The following EGFLAM variants were observed in gnomAD, a reference collection of about 807,000 sequenced individuals.
The protein encoded by EGFLAM is EGF like, fibronectin type III and laminin G domains.
EGFLAM carries 79 observed loss-of-function variants against 113.1 expected under a neutral mutation model. The ratio of observed to expected loss-of-function variants is 0.70; its 90% CI spans 0.58 to 0.84. The LOEUF (loss-of-function observed/expected upper bound fraction) is 0.84, where lower values mean the gene tolerates loss of function less well. Among genes scored for constraint, EGFLAM ranks in the 40% least tolerant of loss-of-function variants. The pLI is 0.00. For missense variants in EGFLAM, 1,265 were observed against 1,291.6 expected (o/e 0.98, Z 0.32); for synonymous variants, 504 against 487.6 (o/e 1.03, Z -0.44).
At chr5:38,443,504 T>A (rs1249096185) in intron 17 of EGFLAM, among the ~76,000 whole-genome samples, 1 of 152,164 alleles carries the variant, frequency 6.6e-6, no homozygotes, top group African/African-American at 2.4e-5. Flanking sequence ...AAAGGTTTTG[T>A]TTGTTTTTCC....
intron 1 of EGFLAM, among the ~76,000 whole-genome samples, chr5:38,272,255 C>T (rs1441153953): frequency 6.6e-6 from 1 of 152,172 alleles, no homozygotes; most frequent in Admixed American, 6.5e-5. Flanking sequence ...CTCAGACTTG[C>T]TTTATAATGT....
At chr5:38,320,793 C>G (rs62353574) in intron 1 of EGFLAM, among the ~76,000 whole-genome samples, 50,879 of 151,800 alleles carry the variant, frequency 0.34, 9,809 homozygotes, top group African/African-American at 0.53. Context: ...CCTTTCCAAA[C>G]AAGGTGTGGA....
chr5:38,303,342 A>G (rs1579747765), intron 1 of EGFLAM, among the ~76,000 whole-genome samples: 1 of 152,180 alleles, frequency 6.6e-6, no homozygotes, highest in African/African-American at 2.4e-5. Context: ...TTACAAGAAC[A>G]CCTCTTACAG....
At chr5:38,324,276 T>C (rs1397191694) in intron 1 of EGFLAM, among the ~76,000 whole-genome samples, 2 of 152,186 alleles carry the variant, frequency 1.3e-5, no homozygotes, top group East Asian at 1.9e-4. Flanking sequence ...CTTTGCCTGA[T>C]GGTTTCTCTG....
intron 1 of EGFLAM, among the ~76,000 whole-genome samples, chr5:38,287,367 TC>T (rs1307250509): frequency 1.3e-5 from 2 of 152,170 alleles, no homozygotes; most frequent in African/African-American, 4.8e-5. Context: ...AATGCAGCCC[TC>T]CTTTTTTTTT....
intron 3 of EGFLAM, among the ~76,000 whole-genome samples, chr5:38,346,228 T>C (rs1198414518): frequency 1.3e-5 from 2 of 152,230 alleles, no homozygotes; most frequent in African/African-American, 4.8e-5. Context: ...AGTGGTAACA[T>C]TTAAATTTCT....
At chr5:38,266,964 C>T (rs551859063) in intron 1 of EGFLAM, among the ~76,000 whole-genome samples, 1 of 152,284 alleles carries the variant, frequency 6.6e-6, no homozygotes, top group African/African-American at 2.4e-5. Flanking sequence ...ATTGATGTTT[C>T]CTCAGCTGGA....
At chr5:38,322,463 C>T (rs962428019) in intron 1 of EGFLAM, among the ~76,000 whole-genome samples, 2 of 152,176 alleles carry the variant, frequency 1.3e-5, no homozygotes, top group African/African-American at 2.4e-5. Context: ...ACAGGGCCCA[C>T]GTTTGCCTGG....
chr5:38,300,977 A>G (rs1758561900), intron 1 of EGFLAM, among the ~76,000 whole-genome samples: 1 of 152,182 alleles, frequency 6.6e-6, no homozygotes, highest in South Asian at 2.1e-4. Flanking sequence ...AAGTCAGATG[A>G]GAGAGACTGA....
chr5:38,275,887 A>T (rs901215394), intron 1 of EGFLAM, among the ~76,000 whole-genome samples: 21 of 152,250 alleles, frequency 1.4e-4, no homozygotes, highest in African/African-American at 5.1e-4. Flanking sequence ...CCACAATGGC[A>T]TAAAACTAGA....
At chr5:38,269,710 C>T (rs996504045) in intron 1 of EGFLAM, among the ~76,000 whole-genome samples, 7 of 152,070 alleles carry the variant, frequency 4.6e-5, no homozygotes, top group African/African-American at 1.4e-4. Flanking sequence ...AGGATAGTCT[C>T]GATCTCCTGA....
At chr5:38,328,741 T>C (rs1579778740) in intron 1 of EGFLAM, among the ~76,000 whole-genome samples, 1 of 117,434 alleles carries the variant, frequency 8.5e-6, no homozygotes, top group Admixed American at 8.2e-5. Context: ...TTTTTTTTTT[T>C]TTTGCAAATT....
intron 1 of EGFLAM, among the ~76,000 whole-genome samples, chr5:38,308,972 G>A (rs1490619962): frequency 6.6e-6 from 1 of 152,150 alleles, no homozygotes; most frequent in African/African-American, 2.4e-5. Flanking sequence ...TAGGAACACT[G>A]GTGTACTAGA....
chr5:38,308,299 T>C (rs1029558811), intron 1 of EGFLAM, among the ~76,000 whole-genome samples: 19 of 152,246 alleles, frequency 1.2e-4, no homozygotes, highest in African/African-American at 4.6e-4. Context: ...GGGCCCTGCC[T>C]GCCAATGGGG....
intron 6 of EGFLAM, among the ~76,000 whole-genome samples, chr5:38,393,718 A>T (rs1304117707): frequency 6.6e-6 from 1 of 152,086 alleles, no homozygotes; most frequent in East Asian, 1.9e-4. Flanking sequence ...CTGGCTGGTC[A>T]CTCCTCTCTG....
chr5:38,394,938 T>C (rs1740917892), intron 6 of EGFLAM, among the ~76,000 whole-genome samples: 1 of 152,046 alleles, frequency 6.6e-6, no homozygotes, highest in Non-Finnish European at 1.5e-5. Context: ...ATATAGGGTT[T>C]TTTTAATTTT....
At chr5:38,445,338 A>T in intron 17 of EGFLAM, 1 of 254,752 alleles carries the variant, frequency 3.9e-6, no homozygotes, top group Non-Finnish European at 6.2e-6. Context: ...CTCTAGATTT[A>T]AAAGAAATGC....
Position 38,350,507 on chromosome 5 carries a change from G to A in EGFLAM, c.298G>A (p.Val100Met). The change falls in exon 4 of 22, where the codon GTG becomes ATG. Residue 100 changes from valine to methionine, a missense_variant. By Grantham distance (21) the Val-to-Met change is conservative. Transcript: ENST00000322350. The part of the protein sequence containing the change: ...LSRDIPTTEE[V>M]IGDLKPGTEY... The stretch of plus-strand genomic sequence containing the variant: ...CTTGTTTGGTCATTGACAGGAGGAA[G>A]TGATTGGAGATTTGAAACCAGGCAC... 1 of 1,613,824 alleles carries A rather than the reference G, an allele frequency of 6.2e-7. No homozygotes were observed. Among genetic ancestry groups the A allele is most frequent in the Non-Finnish European group, 8.5e-7 (1 of 1,179,866 alleles).
chr5:38,442,936 C>T (rs946750467), intron 17 of EGFLAM, among the ~76,000 whole-genome samples: 6 of 152,342 alleles, frequency 3.9e-5, no homozygotes, highest in East Asian at 1.9e-4. Flanking sequence ...AACATTCAGA[C>T]GCCCTGATAT....
Sources: gnomAD v4.1 joint callset for allele counts (sites outside exome capture counted in the v4.1 genomes callset) on GRCh38, gnomAD v4.1.1 for gene constraint, MANE v1.5 for transcripts, NCBI Gene and HGNC (gene_info 2026-07-23, HGNC 2026-07-21) for gene names.